The following BCKDHB variants were observed in gnomAD, a reference collection of about 807,000 sequenced individuals.
BCKDHB encodes branched chain keto acid dehydrogenase E1 subunit beta.
In BCKDHB, 41 loss-of-function variants were observed where a neutral mutation model predicts 48.5. The ratio of observed to expected loss-of-function variants is 0.85; its 90% CI spans 0.66 to 1.10. BCKDHB has a LOEUF of 1.10. Ranked by LOEUF, BCKDHB falls within the 50% of genes least tolerant of loss-of-function variation. BCKDHB has a pLI of 0.00. For missense variants in BCKDHB, 496 were observed against 494.2 expected (o/e 1.00, Z -0.03); for synonymous variants, 201 against 174.8 (o/e 1.15, Z -1.18).
At chr6:80,403,802 G>T in the BCKDHB span, among the ~76,000 whole-genome samples, 2 of 151,894 alleles carry the variant, frequency 1.3e-5, no homozygotes, top group African/African-American at 4.8e-5. Context: ...GTTGAATTTT[G>T]TTGCATGCCT....
chr6:80,281,024 A>ATG (rs1380200725), intron 9 of BCKDHB, among the ~76,000 whole-genome samples: 1 of 116,322 alleles, frequency 8.6e-6, no homozygotes, highest in African/African-American at 3.4e-5. Flanking sequence ...GAACAGGTGT[A>ATG]TGCGTGTGTG....
chr6:80,462,851 C>G, the BCKDHB span: 1 of 152,170 alleles, frequency 6.6e-6, no homozygotes, highest in Non-Finnish European at 1.5e-5. Context: ...CCAAATGAAG[C>G]TTGAAATTAT....
At chr6:80,340,978 C>G (rs1462577897) in intron 9 of BCKDHB, among the ~76,000 whole-genome samples, 5 of 152,208 alleles carry the variant, frequency 3.3e-5, no homozygotes, top group African/African-American at 1.2e-4. Flanking sequence ...GGTCTTATTT[C>G]CAACTGCTTA....
chr6:80,205,797 T>G (rs944550669), intron 8 of BCKDHB, among the ~76,000 whole-genome samples: 7 of 141,238 alleles, frequency 5.0e-5, no homozygotes, highest in African/African-American at 1.6e-4. Flanking sequence ...CATGGGTGTG[T>G]GTGTGTGTGT....
intron 1 of BCKDHB, among the ~76,000 whole-genome samples, chr6:80,124,421 G>C (rs537477706): frequency 6.6e-6 from 1 of 152,186 alleles, no homozygotes; most frequent in Non-Finnish European, 1.5e-5. Context: ...ACTTGGTGCA[G>C]AGCTGAGTTC....
chr6:80,188,953 CTGA>C (rs1562120876), intron 6 of BCKDHB, among the ~76,000 whole-genome samples: 1 of 152,102 alleles, frequency 6.6e-6, no homozygotes, highest in African/African-American at 2.4e-5. Context: ...TTTAGTCTTT[CTGA>C]GACTCTTACA....
At chr6:80,434,158 G>T in the BCKDHB span, among the ~76,000 whole-genome samples, 7 of 151,744 alleles carry the variant, frequency 4.6e-5, no homozygotes. Context: ...TTCTGCCATT[G>T]TATTCATACA....
intron 6 of BCKDHB, among the ~76,000 whole-genome samples, chr6:80,186,280 A>G (rs1244963938): frequency 6.6e-6 from 1 of 152,120 alleles, no homozygotes; most frequent in Non-Finnish European, 1.5e-5. Flanking sequence ...TGCCGAGGCC[A>G]CTGTGGGTGA....
At chr6:80,418,929 AG>A in the BCKDHB span, among the ~76,000 whole-genome samples, 20 of 152,288 alleles carry the variant, frequency 1.3e-4, no homozygotes, top group Middle Eastern at 3.4e-3. Flanking sequence ...TGTTGGCTCC[AG>A]TTGGGTGTGG....
chr6:80,177,393 T>A (rs1377568643), intron 6 of BCKDHB, among the ~76,000 whole-genome samples: 1 of 151,738 alleles, frequency 6.6e-6, no homozygotes, highest in African/African-American at 2.4e-5. Context: ...GCCCAGAAAT[T>A]TATAAACAGA....
intron 8 of BCKDHB, among the ~76,000 whole-genome samples, chr6:80,268,826 A>C (rs1429516131): frequency 6.6e-6 from 1 of 152,142 alleles, no homozygotes; most frequent in African/African-American, 2.4e-5. Context: ...AAGTCTGTGC[A>C]ATCATTTTAA....
chr6:80,276,203 T>C (rs929966508), intron 9 of BCKDHB, among the ~76,000 whole-genome samples: 1 of 152,020 alleles, frequency 6.6e-6, no homozygotes, highest in African/African-American at 2.4e-5. Flanking sequence ...TGATAGAAGA[T>C]ATCTGGTAGC....
At chr6:80,338,510 C>A (rs1769716101) in intron 9 of BCKDHB, among the ~76,000 whole-genome samples, 1 of 152,132 alleles carries the variant, frequency 6.6e-6, no homozygotes, top group Non-Finnish European at 1.5e-5. Context: ...TGCTCTCCAC[C>A]CCTCTTCCTC....
At chr6:80,134,239 A>G (rs2322631) in intron 3 of BCKDHB, among the ~76,000 whole-genome samples, 1 of 152,026 alleles carries the variant, frequency 6.6e-6, no homozygotes, top group Non-Finnish European at 1.5e-5. Flanking sequence ...AGGCCTAAAC[A>G]TGTGCCTTTT....
At chr6:80,460,087 A>G in the BCKDHB span, among the ~76,000 whole-genome samples, 1 of 152,282 alleles carries the variant, frequency 6.6e-6, no homozygotes, top group African/African-American at 2.4e-5. Flanking sequence ...GAAAAGATGT[A>G]AGAAATATCC....
At chr6:80,457,553 C>T in the BCKDHB span, among the ~76,000 whole-genome samples, 1 of 152,134 alleles carries the variant, frequency 6.6e-6, no homozygotes, top group Non-Finnish European at 1.5e-5. Context: ...CATTGGCTGC[C>T]AGCTATAGCT....
At chr6:80,182,052 T>C (rs962263321) in intron 6 of BCKDHB, among the ~76,000 whole-genome samples, 2 of 152,210 alleles carry the variant, frequency 1.3e-5, no homozygotes, top group African/African-American at 4.8e-5. Context: ...TTACAAGTCA[T>C]GTTTGTTTAT....
At chr6:80,400,064 A>G in the BCKDHB span, among the ~76,000 whole-genome samples, 25 of 152,076 alleles carry the variant, frequency 1.6e-4, no homozygotes, top group South Asian at 3.9e-3. Flanking sequence ...TCCTTATACC[A>G]TAAATAAAAA....
chr6:80,331,623 G>A (rs1181726205), intron 9 of BCKDHB, among the ~76,000 whole-genome samples: 1 of 152,206 alleles, frequency 6.6e-6, no homozygotes, highest in Admixed American at 6.5e-5. Flanking sequence ...TAATACTCAT[G>A]TAACATGAGC....
Sources: allele counts gnomAD v4.1 joint callset (sites outside exome capture counted in the v4.1 genomes callset), GRCh38; gene constraint gnomAD v4.1.1; transcripts MANE v1.5; gene names NCBI Gene and HGNC (gene_info 2026-07-23, HGNC 2026-07-21).